Variants in FHIT observed in about 807,000 individuals in gnomAD.
FHIT encodes fragile histidine triad diadenosine triphosphatase, also known as bis(5'-adenosyl)-triphosphatase.
In FHIT, 19 loss-of-function variants were observed where a neutral mutation model predicts 17.9. The ratio of observed to expected loss-of-function variants is 1.06; its 90% CI spans 0.74 to 1.56. The LOEUF (loss-of-function observed/expected upper bound fraction) is 1.56. Ranked by LOEUF, FHIT falls within the 40% of genes most tolerant of loss-of-function variation. FHIT has a pLI of 0.00. For synonymous variants in FHIT, 81 were observed against 69.7 expected (o/e 1.16, Z -0.81); for missense variants, 248 against 189.2 (o/e 1.31, Z -1.82).
intron 8 of FHIT, among the ~76,000 whole-genome samples, chr3:59,909,578 C>T (rs768774445): frequency 1.3e-5 from 2 of 152,166 alleles, no homozygotes; most frequent in Admixed American, 1.3e-4. Flanking sequence ...GATCCGTCCG[C>T]CTCTATCCCA....
chr3:60,282,282 A>AT (rs1259017925), intron 5 of FHIT, among the ~76,000 whole-genome samples: 38 of 152,160 alleles, frequency 2.5e-4, no homozygotes, highest in African/African-American at 8.9e-4. Flanking sequence ...ACTGTGGCAA[A>AT]TCCATACGAC....
At chr3:60,018,128 C>T (rs1016919996) in intron 5 of FHIT, among the ~76,000 whole-genome samples, 1 of 152,200 alleles carries the variant, frequency 6.6e-6, no homozygotes, top group African/African-American at 2.4e-5. Flanking sequence ...CCTCAAGATG[C>T]TTCCATTCAT....
intron 3 of FHIT, among the ~76,000 whole-genome samples, chr3:61,009,285 T>C (rs1220554564): frequency 6.6e-6 from 1 of 152,174 alleles, no homozygotes; most frequent in African/African-American, 2.4e-5. Flanking sequence ...CCACGTGATA[T>C]ATGTTCTGGT....
intron 4 of FHIT, chr3:60,732,565 C>T (rs2042051955): frequency 3.2e-6 from 2 of 622,422 alleles, no homozygotes; most frequent in South Asian, 1.4e-5. Context: ...CGTCTGCAAA[C>T]AGCTCGAAGG....
intron 4 of FHIT, among the ~76,000 whole-genome samples, chr3:60,729,600 C>G (rs1245408953): frequency 6.6e-6 from 1 of 152,174 alleles, no homozygotes; most frequent in Non-Finnish European, 1.5e-5. Context: ...TATTGTTTCT[C>G]ATAAGGACTC....
intron 5 of FHIT, among the ~76,000 whole-genome samples, chr3:60,034,676 G>T (rs1575940126): frequency 1.3e-5 from 2 of 152,078 alleles, no homozygotes; most frequent in South Asian, 2.1e-4. Context: ...CTGTTATAAT[G>T]GTAATAAAAT....
At chr3:60,851,013 C>A (rs1703133021) in intron 3 of FHIT, among the ~76,000 whole-genome samples, 1 of 152,018 alleles carries the variant, frequency 6.6e-6, no homozygotes, top group African/African-American at 2.4e-5. Flanking sequence ...CACACATACA[C>A]AAAGGAAAGC....
Position 60,601,045 on chromosome 3 carries a change from G to A in FHIT, c.-17-64066C>T, listed in dbSNP as rs186745671. On this transcript the variant is annotated intron_variant, in intron 4 of 9. Transcript: ENST00000492590. ...GTTCACAGCAGCCCTGCCAGCAGAG[G>A]CTGGAAGGGTCCCCAGAGTTTGTTG... Among the ~76,000 whole-genome samples, 170 of 152,288 alleles carry A rather than the reference G, an allele frequency of 1.1e-3. 1 individual carries two copies. Among genetic ancestry groups the A allele is most frequent in the African/African-American group, 4.0e-3 (166 of 41,562 alleles).
intron 5 of FHIT, among the ~76,000 whole-genome samples, chr3:60,220,954 A>G (rs1305523702): frequency 6.6e-6 from 1 of 152,194 alleles, no homozygotes; most frequent in Non-Finnish European, 1.5e-5. Context: ...TTGTTTTAAT[A>G]TATATTCACA....
At chr3:60,275,547 G>C (rs1707087731) in intron 5 of FHIT, among the ~76,000 whole-genome samples, 1 of 152,162 alleles carries the variant, frequency 6.6e-6, no homozygotes, top group East Asian at 1.9e-4. Flanking sequence ...CGGTAGTCTT[G>C]TGGAAACTTG....
intron 2 of FHIT, among the ~76,000 whole-genome samples, chr3:61,161,432 G>C (rs2037691718): frequency 6.6e-6 from 1 of 152,080 alleles, no homozygotes; most frequent in Non-Finnish European, 1.5e-5. Flanking sequence ...TCGATCTCCT[G>C]ATTTCGTGAT....
intron 5 of FHIT, among the ~76,000 whole-genome samples, chr3:60,308,074 G>A (rs1708765790): frequency 6.6e-6 from 1 of 152,078 alleles, no homozygotes; most frequent in Admixed American, 6.5e-5. Flanking sequence ...GACAGTAATC[G>A]TGCTGCACAG....
At chr3:60,342,876 T>G (rs1299473586) in intron 5 of FHIT, among the ~76,000 whole-genome samples, 2 of 152,142 alleles carry the variant, frequency 1.3e-5, no homozygotes, top group Admixed American at 6.6e-5. Context: ...AGAGGATCTC[T>G]CATCCAACCT....
chr3:60,377,365 G>A (rs1700607618), intron 5 of FHIT, among the ~76,000 whole-genome samples: 1 of 151,204 alleles, frequency 6.6e-6, no homozygotes, highest in Middle Eastern at 3.2e-3. Context: ...CACCATATTG[G>A]CCAGGATGGT....
In FHIT at chr3:60,091,226, C is replaced by G. The variant is rs115121056; in HGVS notation, c.104-77074G>C. ...TTTTATTCTTAAGAGCTCACTCTTTCTGAACTCTCCTAAAGCCCATCCAGG... is the reference window on the plus strand; with the variant it reads ...TTTTATTCTTAAGAGCTCACTCTTTGTGAACTCTCCTAAAGCCCATCCAGG... On this transcript the variant is annotated intron_variant, in intron 5 of 9. Coordinates refer to ENST00000492590, the MANE Select transcript of FHIT (RefSeq NM_002012.4). Among the ~76,000 whole-genome samples, 627 of 152,320 alleles carry G rather than the reference C, an allele frequency of 4.1e-3. 3 individuals are homozygous for G. The highest frequency in any genetic ancestry group is 0.014 in the African/African-American group (597 of 41,588).
At chr3:60,600,844 G>T (rs972455234) in intron 4 of FHIT, among the ~76,000 whole-genome samples, 2 of 152,160 alleles carry the variant, frequency 1.3e-5, no homozygotes, top group South Asian at 4.1e-4. Context: ...CTTTTTATGA[G>T]AAGATGCCCC....
rs1338881266 is a variant in FHIT, at chr3:59,918,556, C to T, written c.348+3790G>A. Reference sequence around the variant, plus strand: ...GGCCAGAGCACTGTAAATGAATAGGCAGGGAGATTAAACAGATGTTTCAGT... The same window carrying T: ...GGCCAGAGCACTGTAAATGAATAGGTAGGGAGATTAAACAGATGTTTCAGT... On this transcript the variant is annotated intron_variant, in intron 8 of 9. Coordinates refer to ENST00000492590, the MANE Select transcript of FHIT (RefSeq NM_002012.4). Among the ~76,000 whole-genome samples the T allele has an allele frequency of 4.6e-5, 7 of 152,086 alleles. No individual in the cohort carries two copies. The East Asian group carries it at 1.2e-3, about 25-fold the overall frequency.
At chr3:60,068,953 G>A (rs1576022856) in intron 5 of FHIT, among the ~76,000 whole-genome samples, 1 of 152,166 alleles carries the variant, frequency 6.6e-6, no homozygotes, top group African/African-American at 2.4e-5. Flanking sequence ...AAATACAGAA[G>A]TGGTTATATA....
chr3:60,760,323 A>G (rs1484019924), intron 4 of FHIT, among the ~76,000 whole-genome samples: 1 of 152,204 alleles, frequency 6.6e-6, no homozygotes, highest in Non-Finnish European at 1.5e-5. Flanking sequence ...CAGGTAGGCT[A>G]GTGAGAGCAT....
Sources: gnomAD v4.1 joint callset for allele counts (sites outside exome capture counted in the v4.1 genomes callset) on GRCh38, gnomAD v4.1.1 for gene constraint, MANE v1.5 for transcripts, NCBI Gene and HGNC (gene_info 2026-07-23, HGNC 2026-07-21) for gene names.